The following CCDC7 variants were observed in gnomAD, a reference collection of about 807,000 sequenced individuals.
CCDC7 encodes coiled-coil domain-containing protein 7.
CCDC7 carries 183 observed loss-of-function variants against 196.9 expected under a neutral mutation model. The ratio of observed to expected loss-of-function variants is 0.93; its 90% confidence interval spans 0.82 to 1.05. The LOEUF is 1.05. Ranked by LOEUF, CCDC7 falls within the 50% of genes least tolerant of loss-of-function variation. The pLI is 0.00. For missense variants in CCDC7, 1,540 were observed against 1,482.2 expected (o/e 1.04, Z -0.64); for synonymous variants, 525 against 484.6 (o/e 1.08, Z -1.10).
At chr10:32,497,491 T>C (rs144827385) in intron 9 of CCDC7, among the ~76,000 whole-genome samples, 7,965 of 152,162 alleles carry the variant, frequency 0.052, 686 homozygotes, top group African/African-American at 0.18. Context: ...GTTAGGGTGT[T>C]GGTTTTAGAT....
At chr10:32,655,855 T>C (rs1447398373) in intron 20 of CCDC7, among the ~76,000 whole-genome samples, 1 of 152,174 alleles carries the variant, frequency 6.6e-6, no homozygotes, top group African/African-American at 2.4e-5. Flanking sequence ...CCTATATGTC[T>C]TCTTTTGAGA....
At chr10:32,498,777 T>A (rs977969903) in intron 9 of CCDC7, among the ~76,000 whole-genome samples, 1 of 152,106 alleles carries the variant, frequency 6.6e-6, no homozygotes, top group South Asian at 2.1e-4. Context: ...GGCTTCCTTT[T>A]GTGGGTAACC....
In CCDC7 at chr10:32,635,038, GAT is replaced by G. The variant is rs200211473; in HGVS notation, c.1913-18_1913-17del. Reference sequence around the variant, plus strand: ...TGACATATACAGAAGTTTTATCATAGATCTGTTTTTCTGTTCAGAGACTCTTA... The same window carrying G: ...TGACATATACAGAAGTTTTATCATAGCTGTTTTTCTGTTCAGAGACTCTTA... On this transcript the variant is annotated splice_polypyrimidine_tract_variant and intron_variant, in intron 19 of 41. Coordinates refer to ENST00000639629, the Ensembl canonical transcript of CCDC7. 2.5e-6 allele frequency: 1 copy of G among 395,022 alleles called. No individual in the cohort carries two copies. Among genetic ancestry groups the G allele is most frequent in the East Asian group, 3.7e-5 (1 of 27,068 alleles). The allele number at this position is 395,022 out of a possible 1,614,324, so 24.5% of individuals were successfully genotyped here.
chr10:32,828,622 C>T (rs1274357949), intron 32 of CCDC7, among the ~76,000 whole-genome samples: 4 of 152,152 alleles, frequency 2.6e-5, no homozygotes, highest in African/African-American at 4.8e-5. Context: ...TTACCATGTT[C>T]CCCATCATCC....
chr10:32,737,042 GT>G (rs1314799953), intron 28 of CCDC7, among the ~76,000 whole-genome samples: 2 of 152,010 alleles, frequency 1.3e-5, no homozygotes, highest in Non-Finnish European at 2.9e-5. Context: ...ACTATTCTTA[GT>G]TTGCTGATAG....
intron 15 of CCDC7, among the ~76,000 whole-genome samples, chr10:32,568,329 C>G (rs2057145698): frequency 6.6e-6 from 1 of 152,018 alleles, no homozygotes; most frequent in Admixed American, 6.6e-5. Flanking sequence ...TACTTTTGCC[C>G]TTTACCTTCT....
chr10:32,690,125 G>C (rs987496720), intron 23 of CCDC7, among the ~76,000 whole-genome samples: 6 of 152,132 alleles, frequency 3.9e-5, no homozygotes, highest in Admixed American at 2.6e-4. Context: ...TCAATCCTAG[G>C]CATTTTATCC....
intron 15 of CCDC7, 98 bp downstream of exon 16, chr10:32,567,989 C>T: frequency 8.9e-7 from 1 of 1,123,238 alleles, no homozygotes; most frequent in South Asian, 2.1e-5. Flanking sequence ...TTTAAAAATT[C>T]ATGCCTCTGT....
At chr10:32,702,668 G>C (rs1298936014) in intron 24 of CCDC7, among the ~76,000 whole-genome samples, 1 of 152,096 alleles carries the variant, frequency 6.6e-6, no homozygotes, top group African/African-American at 2.4e-5. Context: ...TCTCTTTGTA[G>C]GTCTCTAAGG....
At chr10:32,715,191 C>T (rs539979354) in intron 25 of CCDC7, among the ~76,000 whole-genome samples, 1 of 152,290 alleles carries the variant, frequency 6.6e-6, no homozygotes, top group South Asian at 2.1e-4. Flanking sequence ...ACAAAGCTTC[C>T]AGAGGAAAGA....
chr10:32,445,450 A>T (rs1054569976), upstream of CCDC7, among the ~76,000 whole-genome samples: 8 of 152,188 alleles, frequency 5.3e-5, no homozygotes, highest in Non-Finnish European at 8.8e-5. Flanking sequence ...CCTGGTTTTT[A>T]GTTTTAGTTC....
intron 24 of CCDC7, among the ~76,000 whole-genome samples, chr10:32,703,275 G>A (rs2079081450): frequency 6.6e-6 from 1 of 152,158 alleles, no homozygotes; most frequent in Non-Finnish European, 1.5e-5. Context: ...CACTTATGAA[G>A]CTTAGTTTGG....
chr10:32,611,627 T>A (rs1347782026), intron 18 of CCDC7, among the ~76,000 whole-genome samples: 4 of 152,160 alleles, frequency 2.6e-5, no homozygotes, highest in Non-Finnish European at 2.9e-5. Flanking sequence ...CCAGTTTCAG[T>A]TTTCTGCCTA....
intron 29 of CCDC7, among the ~76,000 whole-genome samples, chr10:32,786,494 C>T (rs2081902128): frequency 6.6e-6 from 1 of 152,208 alleles, no homozygotes; most frequent in African/African-American, 2.4e-5. Context: ...GGTATGGTGG[C>T]TTATGCCTGT....
chr10:32,671,208 T>G (rs1192000987), intron 21 of CCDC7, among the ~76,000 whole-genome samples: 2 of 152,166 alleles, frequency 1.3e-5, no homozygotes, highest in Non-Finnish European at 2.9e-5. Flanking sequence ...TAACTCTTAG[T>G]TCTGCAAGCT....
At chr10:32,562,219 G>A (rs1237013976) in intron 13 of CCDC7, among the ~76,000 whole-genome samples, 1 of 152,142 alleles carries the variant, frequency 6.6e-6, no homozygotes, top group African/African-American at 2.4e-5. Flanking sequence ...TTCTACCAGA[G>A]GTACAAGGAG....
chr10:32,448,825 T>A (rs1176898885), upstream of CCDC7, among the ~76,000 whole-genome samples: 7 of 152,082 alleles, frequency 4.6e-5, no homozygotes, highest in Admixed American at 3.3e-4. Flanking sequence ...TTATTTATAT[T>A]TTTTTCAAAC....
intron 2 of CCDC7, among the ~76,000 whole-genome samples, chr10:32,453,734 C>T (rs2033683590): frequency 6.6e-6 from 1 of 152,132 alleles, no homozygotes. Flanking sequence ...CAGGAACTCT[C>T]ATACAGAGCT....
intron 16 of CCDC7, among the ~76,000 whole-genome samples, chr10:32,576,521 C>T (rs1564710237): frequency 6.7e-6 from 1 of 149,834 alleles, no homozygotes; most frequent in Non-Finnish European, 1.5e-5. Context: ...TAGAATAAGC[C>T]TGATGGACAA....
Sources: allele counts gnomAD v4.1 joint callset (sites outside exome capture counted in the v4.1 genomes callset), GRCh38; gene constraint gnomAD v4.1.1; transcripts MANE v1.5; gene names NCBI Gene and HGNC (gene_info 2026-07-23, HGNC 2026-07-21).